CPNE4: variants seen among roughly 807,000 people sequenced by gnomAD.
The protein encoded by CPNE4 is copine-4.
CPNE4 carries 25 observed loss-of-function variants against 67.9 expected under a neutral mutation model. That is an observed-to-expected ratio of 0.37 (90% CI 0.27 to 0.51). CPNE4 has a LOEUF of 0.51. CPNE4 is among the 20% of genes least tolerant of loss of function. The pLI, the probability that CPNE4 is intolerant of heterozygous loss-of-function variation, is 0.93. For synonymous variants in CPNE4, 242 were observed against 244.9 expected, an observed-to-expected ratio of 0.99 and a Z score of 0.11; for missense variants, 464 against 690.8, an observed-to-expected ratio of 0.67 and a Z score of 3.68.
intron 2 of CPNE4, among the ~76,000 whole-genome samples, chr3:131,758,529 G>T (rs2082809824): frequency 6.6e-6 from 1 of 152,150 alleles, no homozygotes; most frequent in Non-Finnish European, 1.5e-5. Flanking sequence ...GAAGGGACTT[G>T]CTTTGTCTCA....
intron 2 of CPNE4, among the ~76,000 whole-genome samples, chr3:131,802,640 G>A (rs1583225698): frequency 1.3e-5 from 2 of 152,152 alleles, no homozygotes; most frequent in Admixed American, 1.3e-4. Context: ...CTCACAGCAA[G>A]GCTGTAAATG....
chr3:132,019,863 T>C (rs2073956479), intron 1 of CPNE4, among the ~76,000 whole-genome samples: 2 of 152,196 alleles, frequency 1.3e-5, no homozygotes, highest in Non-Finnish European at 2.9e-5. Flanking sequence ...AGTCTATTTA[T>C]GCAACATTCC....
At chr3:131,542,347 C>G (rs535512592) in intron 15 of CPNE4, among the ~76,000 whole-genome samples, 1 of 152,066 alleles carries the variant, frequency 6.6e-6, no homozygotes, top group Non-Finnish European at 1.5e-5. Context: ...TCCAAAGAGT[C>G]ATGCTCTATA....
At chr3:131,874,059 A>T (rs1391441458) in intron 2 of CPNE4, among the ~76,000 whole-genome samples, 1 of 151,942 alleles carries the variant, frequency 6.6e-6, no homozygotes, top group South Asian at 2.1e-4. Context: ...TTGGGGTCTG[A>T]GATTTACTTA....
chr3:131,544,670 C>T (rs371248108), intron 14 of CPNE4, among the ~76,000 whole-genome samples: 3 of 152,038 alleles, frequency 2.0e-5, no homozygotes, highest in Admixed American at 2.0e-4. Flanking sequence ...CAGAGAGAAG[C>T]GGCAGAAAGA....
At chr3:131,671,945 A>G (rs548535371) in intron 6 of CPNE4, among the ~76,000 whole-genome samples, 3 of 152,172 alleles carry the variant, frequency 2.0e-5, no homozygotes, top group African/African-American at 7.2e-5. Flanking sequence ...CTCATTAACC[A>G]TTATTACTTC....
At chr3:131,575,268 T>C (rs1196793319) in intron 9 of CPNE4, 138 bp from the exon 10 acceptor site, 15 of 691,972 alleles carry the variant, frequency 2.2e-5, no homozygotes, top group Non-Finnish European at 3.6e-5. Flanking sequence ...AAAAGATGGG[T>C]CAGTTAAGTT....
intron 2 of CPNE4, among the ~76,000 whole-genome samples, chr3:131,803,211 TTTTCA>T (rs1363599129): frequency 1.1e-4 from 16 of 152,142 alleles, no homozygotes; most frequent in Admixed American, 5.2e-4. Context: ...GAGGGATGAA[TTTTCA>T]TTTGAGTATG....
intron 3 of CPNE4, among the ~76,000 whole-genome samples, chr3:131,701,856 G>T (rs978774000): frequency 5.3e-5 from 8 of 152,160 alleles, no homozygotes; most frequent in Non-Finnish European, 1.2e-4. Flanking sequence ...CAAATGTTTG[G>T]TTTTTTAAGC....
intron 2 of CPNE4, among the ~76,000 whole-genome samples, chr3:131,903,365 T>G (rs2107770700): frequency 6.6e-6 from 1 of 152,120 alleles, no homozygotes; most frequent in East Asian, 1.9e-4. Context: ...CAGCTAGATC[T>G]TTAAAAACAA....
At chr3:131,795,868 T>C (rs557137102) in intron 2 of CPNE4, among the ~76,000 whole-genome samples, 13 of 152,346 alleles carry the variant, frequency 8.5e-5, no homozygotes, top group Admixed American at 5.2e-4. Flanking sequence ...CACACTCCTG[T>C]TCCCTTTTCT....
At chr3:131,793,706 A>T (rs888818083) in intron 2 of CPNE4, among the ~76,000 whole-genome samples, 5 of 152,216 alleles carry the variant, frequency 3.3e-5, no homozygotes, top group African/African-American at 4.8e-5. Flanking sequence ...TTTAATACTC[A>T]GATTGGCACA....
intron 1 of CPNE4, among the ~76,000 whole-genome samples, chr3:131,933,819 T>C (rs1381887842): frequency 6.6e-6 from 1 of 151,862 alleles, no homozygotes; most frequent in African/African-American, 2.4e-5. Context: ...TGTTCTCACT[T>C]ATATGTGAAA....
At chr3:131,633,984 T>C (rs1399511084) in intron 7 of CPNE4, among the ~76,000 whole-genome samples, 1 of 152,170 alleles carries the variant, frequency 6.6e-6, no homozygotes, top group Non-Finnish European at 1.5e-5. Context: ...TATGAACATA[T>C]ATAATTATTT....
intron 2 of CPNE4, among the ~76,000 whole-genome samples, chr3:131,826,653 C>T (rs2085172098): frequency 6.6e-6 from 1 of 152,042 alleles, no homozygotes; most frequent in Non-Finnish European, 1.5e-5. Flanking sequence ...GAAGTTCTTA[C>T]GTGTATTATA....
chr3:131,958,848 T>TG (rs1447101679), intron 1 of CPNE4, among the ~76,000 whole-genome samples: 5 of 151,130 alleles, frequency 3.3e-5, no homozygotes, highest in African/African-American at 1.2e-4. Context: ...TTAGTAGAGA[T>TG]GGGGTTTCAC....
chr3:131,581,960 T>G (rs879271951), intron 8 of CPNE4, among the ~76,000 whole-genome samples: 3 of 152,230 alleles, frequency 2.0e-5, no homozygotes, highest in Non-Finnish European at 2.9e-5. Context: ...AGCTTATAAT[T>G]ATACTCTATC....
intron 1 of CPNE4, among the ~76,000 whole-genome samples, chr3:132,019,892 C>T (rs372678950): frequency 4.6e-5 from 7 of 152,136 alleles, no homozygotes; most frequent in African/African-American, 7.2e-5. Context: ...TCTGTCTGTC[C>T]GTGCCCACTA....
At chr3:132,013,808 C>A (rs2073827815) in intron 1 of CPNE4, among the ~76,000 whole-genome samples, 2 of 152,098 alleles carry the variant, frequency 1.3e-5, no homozygotes, top group South Asian at 4.1e-4. Context: ...CACTGGGACA[C>A]AAAGAGTTTG....
Sources: gnomAD v4.1 joint callset for allele counts (sites outside exome capture counted in the v4.1 genomes callset) on GRCh38, gnomAD v4.1.1 for gene constraint, MANE v1.5 for transcripts, NCBI Gene and HGNC (gene_info 2026-07-23, HGNC 2026-07-21) for gene names.